Variants in NFX1 observed in about 807,000 individuals in gnomAD.
NFX1 encodes transcriptional repressor NF-X1.
NFX1 carries 69 observed loss-of-function variants against 137.2 expected under a neutral mutation model. That is an observed-to-expected ratio of 0.50 (90% confidence interval 0.41 to 0.61). The LOEUF (loss-of-function observed/expected upper bound fraction) is 0.61, where lower values mean the gene tolerates loss of function less well. NFX1 is among the 20% of genes least tolerant of loss of function. The pLI is 0.00. For synonymous variants in NFX1, 495 were observed against 474.1 expected (o/e 1.04, Z -0.57); for missense variants, 1,167 against 1,391.0 (o/e 0.84, Z 2.56).
intron 9 of NFX1, among the ~76,000 whole-genome samples, chr9:33,320,206 C>G (rs1407555525): frequency 6.6e-6 from 1 of 152,060 alleles, no homozygotes; most frequent in Non-Finnish European, 1.5e-5. Context: ...CTTGGGTGAT[C>G]TGCCCGCCTT....
chr9:33,312,195 AGCCATGT>A (rs2118322749), intron 6 of NFX1, among the ~76,000 whole-genome samples: 1 of 152,334 alleles, frequency 6.6e-6, no homozygotes, highest in African/African-American at 2.4e-5. Context: ...TTATGTGGAC[AGCCATGT>A]GGCCTGAGAT....
chr9:33,313,209 TACTC>T (rs1822026569), intron 6 of NFX1, among the ~76,000 whole-genome samples: 1 of 151,880 alleles, frequency 6.6e-6, no homozygotes, highest in Non-Finnish European at 1.5e-5. Flanking sequence ...ATAAAGCAAA[TACTC>T]AGGAATAGCC....
In NFX1 at chr9:33,311,141, C is replaced by T. The variant is rs149591764; in HGVS notation, c.1412C>T (p.Ala471Val). The T allele has an allele frequency of 1.5e-3, 2,454 of 1,614,112 alleles. 2 individuals carry two copies. Among genetic ancestry groups the T allele is most frequent in the Non-Finnish European group, 2.0e-3 (2,346 of 1,179,992 alleles). The change falls in exon 6 of 24, where the codon GCC (alanine) becomes GTC (valine). Residue 471 changes from alanine to valine, a missense_variant. Ala to Val is a moderately conservative substitution (Grantham distance 64). Transcript: ENST00000379540. ...CHPGPCPPCP[A>V]FMTKTCECGR... Reference sequence around the variant, plus strand: ...CCAGGACCCTGCCCACCCTGCCCTGCCTTTATGACAAAAACATGTGAATGT... The same window carrying T: ...CCAGGACCCTGCCCACCCTGCCCTGTCTTTATGACAAAAACATGTGAATGT...
chr9:33,317,957 G>A (rs1822233185), intron 7 of NFX1, among the ~76,000 whole-genome samples: 1 of 107,184 alleles, frequency 9.3e-6, no homozygotes, highest in Non-Finnish European at 1.7e-5. Context: ...GCCTGGGCAA[G>A]AGTGAGACTC....
At position 33,354,855 on chromosome 9, in the gene NFX1, G is replaced by C; in HGVS notation, c.2836G>C (p.Glu946Gln). ...TKKEVHQARLECDEECSALER... is the reference protein window; with the variant it reads ...TKKEVHQARLQCDEECSALER... ...TTTTTTCATTTGCTTATCAAGGCTGGAGTGTGATGAGGAGTGTTCAGCCTT... is the reference window on the plus strand; with the variant it reads ...TTTTTTCATTTGCTTATCAAGGCTGCAGTGTGATGAGGAGTGTTCAGCCTT... Residue 946 changes from glutamate to glutamine, a missense_variant, in exon 19 of 24, where the codon GAG becomes CAG. Around this residue, in one of 3 missense-constraint regions of NFX1, gnomAD observed 312 missense variants for 312.8 expected, o/e 1.00. Transcript: ENST00000379540. 1 of 1,613,856 alleles carries C rather than the reference G, an allele frequency of 6.2e-7. No individual in the cohort carries two copies. Among genetic ancestry groups the C allele is most frequent in the Non-Finnish European group, 8.5e-7 (1 of 1,179,882 alleles).
At chr9:33,346,949 T>C in intron 14 of NFX1, 89 bp from the exon 15 acceptor site, 1 of 962,508 alleles carries the variant, frequency 1.0e-6, no homozygotes. Flanking sequence ...ATTTAAAAGT[T>C]TCATGCCGTA....
chr9:33,294,502 G>C lies in NFX1; in HGVS notation c.108G>C (p.Arg36Ser). The C allele has an allele frequency of 6.2e-7, 1 of 1,613,748 alleles. No homozygotes were observed. The highest frequency in any genetic ancestry group is 8.5e-7 in the Non-Finnish European group (1 of 1,179,906). Residue 36 changes from arginine (R) to serine (S), a missense_variant, in exon 2 of 24, where the codon AGG becomes AGC. Physicochemically the swap from Arg to Ser is moderately radical, Grantham distance 110. Around this residue, in one of 3 missense-constraint regions of NFX1, gnomAD observed 367 missense variants for 386.7 expected, o/e 0.95. Transcript: ENST00000379540. ...KNSGLNCGTQ[R>S]RLDSNRIGRR... is the part of the protein sequence containing the mutation. ...CTGGTCTAAATTGTGGGACTCAAAG[G>C]AGACTAGACTCTAATAGGATTGGTA... is the stretch of plus-strand genomic sequence containing the variant.
At chr9:33,329,944 C>T (rs771400720) in intron 10 of NFX1, among the ~76,000 whole-genome samples, 1 of 152,136 alleles carries the variant, frequency 6.6e-6, no homozygotes, top group Non-Finnish European at 1.5e-5. Flanking sequence ...CAGGTGTGCA[C>T]CACCACTCCT....
chr9:33,319,616 T>A (rs979340451), intron 9 of NFX1, among the ~76,000 whole-genome samples: 1 of 152,074 alleles, frequency 6.6e-6, no homozygotes, highest in East Asian at 1.9e-4. Flanking sequence ...CTCAAATGAT[T>A]CTTGTGTCTC....
intron 17 of NFX1, among the ~76,000 whole-genome samples, chr9:33,353,662 A>AGTTTTCATCTG (rs1415531700): frequency 6.8e-6 from 1 of 147,600 alleles, no homozygotes; most frequent in Non-Finnish European, 1.5e-5. Context: ...AGGCCACACC[A>AGTTTTCATCTG]GTTTTCATCT....
intron 20 of NFX1, 105 bp from the exon 21 acceptor site, chr9:33,364,603 C>A: frequency 7.7e-7 from 1 of 1,305,070 alleles, no homozygotes. Flanking sequence ...TGCAGTTTTA[C>A]TGCCAGCATT....
chr9:33,329,380 C>T (rs1396629594), intron 10 of NFX1, among the ~76,000 whole-genome samples: 1 of 152,118 alleles, frequency 6.6e-6, no homozygotes, highest in Non-Finnish European at 1.5e-5. Flanking sequence ...TGTACCGATA[C>T]CATGTGACCC....
chr9:33,293,324 T>G (rs1281449415), intron 1 of NFX1, among the ~76,000 whole-genome samples: 1 of 152,224 alleles, frequency 6.6e-6, no homozygotes, highest in Non-Finnish European at 1.5e-5. Context: ...GCCTTATTAT[T>G]AAACCTGAAA....
At chr9:33,330,140 G>A (rs1035397354) in intron 10 of NFX1, among the ~76,000 whole-genome samples, 2 of 152,222 alleles carry the variant, frequency 1.3e-5, no homozygotes, top group African/African-American at 4.8e-5. Context: ...AAAGTCTTCG[G>A]GTGATTCAGC....
intron 1 of NFX1, among the ~76,000 whole-genome samples, chr9:33,294,054 T>A (rs1797862715): frequency 6.6e-6 from 1 of 152,250 alleles, no homozygotes; most frequent in Non-Finnish European, 1.5e-5. Context: ...GCTACTTTAC[T>A]GTTTTGAAAG....
At position 33,370,725 on chromosome 9, in the gene NFX1, G is replaced by C. The variant is rs1163238945; in HGVS notation, c.*747G>C. 1.3e-5 allele frequency: 2 copies of C among 152,230 alleles called. No individual in the cohort carries two copies. Among genetic ancestry groups the C allele is most frequent in the Non-Finnish European group, 1.5e-5 (1 of 68,072 alleles). 9.4% of individuals were successfully genotyped at this position (152,230 alleles called of 1,614,324 possible). Reference sequence around the variant, plus strand: ...GTCCCCCATGATGGTAGGAAATATAGAGAGCAAGTTCTTCTGCCAGGGTCA... The same window carrying C: ...GTCCCCCATGATGGTAGGAAATATACAGAGCAAGTTCTTCTGCCAGGGTCA... On this transcript the variant is annotated 3_prime_UTR_variant, in exon 24 of 24. Transcript: ENST00000379540.
At chr9:33,342,612 C>A in intron 12 of NFX1, 134 bp from the exon 13 acceptor site, 1 of 667,524 alleles carries the variant, frequency 1.5e-6, no homozygotes, top group Non-Finnish European at 2.5e-6. Flanking sequence ...CCTTCTGTGG[C>A]TATTTTGAAG....
chr9:33,367,870 G>A (rs1824214962), intron 23 of NFX1, among the ~76,000 whole-genome samples: 1 of 150,906 alleles, frequency 6.6e-6, no homozygotes, highest in Non-Finnish European at 1.5e-5. Context: ...TGGTGTAGAT[G>A]GTGACACTGG....
chr9:33,363,632 T>C (rs1278071454), intron 19 of NFX1, among the ~76,000 whole-genome samples: 1 of 152,168 alleles, frequency 6.6e-6, no homozygotes, highest in Non-Finnish European at 1.5e-5. Context: ...TTCTTTACTT[T>C]TCAGATTTCT....
Sources: gnomAD v4.1 joint callset for allele counts (sites outside exome capture counted in the v4.1 genomes callset) on GRCh38, gnomAD v4.1.1 for gene constraint, gnomAD v4.1.1 regional missense constraint, MANE v1.5 for transcripts, NCBI Gene and HGNC (gene_info 2026-07-23, HGNC 2026-07-21) for gene names.